The following ASH1L variants were observed in gnomAD, a reference collection of about 807,000 sequenced individuals.
ASH1L encodes histone-lysine N-methyltransferase ASH1L.
In ASH1L, 23 loss-of-function variants were observed where a neutral mutation model predicts 269.0. The ratio of observed to expected loss-of-function variants is 0.09; its 90% CI spans 0.06 to 0.12. The LOEUF is 0.12. ASH1L is among the 10% of genes least tolerant of loss of function. The pLI is 1.00. For synonymous variants in ASH1L, 1,187 were observed against 1,253.5 expected, an observed-to-expected ratio of 0.95 and a Z score of 1.12; for missense variants, 2,912 against 3,567.8, an observed-to-expected ratio of 0.82 and a Z score of 4.68.
At chr1:155,562,863 A>G (rs1226713115), upstream of ASH1L, 2 of 220,156 alleles carry the variant, frequency 9.1e-6, no homozygotes, top group Admixed American at 1.0e-4. Flanking sequence ...CCCCACGGCC[A>G]CCAACCGCCG....
intron 5 of ASH1L, among the ~76,000 whole-genome samples, chr1:155,418,167 CA>C (rs1282201740): frequency 6.6e-6 from 1 of 151,894 alleles, no homozygotes; most frequent in African/African-American, 2.4e-5. Context: ...AAATGTGACC[CA>C]GGGGAAAAAA....
chr1:155,465,952 G>C (rs1043622587), intron 3 of ASH1L, among the ~76,000 whole-genome samples: 1 of 152,122 alleles, frequency 6.6e-6, no homozygotes, highest in African/African-American at 2.4e-5. Flanking sequence ...AAAAACAGCT[G>C]TTTTCAATTG....
intron 6 of ASH1L, among the ~76,000 whole-genome samples, chr1:155,407,478 A>T (rs1659393005): frequency 1.3e-5 from 2 of 152,184 alleles, no homozygotes; most frequent in South Asian, 4.1e-4. Flanking sequence ...TGTGTGGATA[A>T]ATTTATTCAC....
At chr1:155,424,015 G>A (rs1183062480) in intron 5 of ASH1L, among the ~76,000 whole-genome samples, 4 of 152,086 alleles carry the variant, frequency 2.6e-5, no homozygotes, top group Middle Eastern at 3.4e-3. Context: ...GCGAGCCACC[G>A]TGCCCGGCCC....
intron 1 of ASH1L, among the ~76,000 whole-genome samples, chr1:155,532,354 T>C (rs1669725001): frequency 6.6e-6 from 1 of 152,194 alleles, no homozygotes; most frequent in South Asian, 2.1e-4. Flanking sequence ...ATATACATTG[T>C]ATAAAAACAA....
At chr1:155,518,682 G>A (rs1270597185) in intron 2 of ASH1L, among the ~76,000 whole-genome samples, 2 of 150,300 alleles carry the variant, frequency 1.3e-5, no homozygotes, top group South Asian at 2.1e-4. Context: ...GCTTGAGAAC[G>A]GGGGCGGTGG....
chr1:155,401,202 C>G (rs1363062774), intron 6 of ASH1L, among the ~76,000 whole-genome samples: 1 of 149,154 alleles, frequency 6.7e-6, no homozygotes, highest in African/African-American at 2.5e-5. Context: ...GGTGGCCGGG[C>G]ATGGTGGCTC....
chr1:155,536,905 C>T lies in ASH1L; in HGVS notation c.-99-15287G>A, dbSNP rs374045335. On this transcript the variant is annotated intron_variant, in intron 1 of 27. Transcript: ENST00000392403. ...AAAATACAAAAAAAAATTAGCCGGGCGTGGTGGCGAGTGCCTGTAGTCCCA... is the reference window on the plus strand; with the variant it reads ...AAAATACAAAAAAAAATTAGCCGGGTGTGGTGGCGAGTGCCTGTAGTCCCA... 2.6e-4 allele frequency among the ~76,000 whole-genome samples: 40 copies of T among 151,714 alleles called. No homozygotes were observed. The East Asian group carries it at 3.3e-3, about 12-fold the overall frequency.
rs1471317741 is a variant in ASH1L, at chr1:155,421,286, T to A, written c.5829-5363A>T. ...ATTGCAACTTTCCCCCAAACTGATC[T>A]ATAGATCTAACACAATCTCAAGTAC... On this transcript the variant is annotated intron_variant, in intron 5 of 27. Transcript: ENST00000392403. 2.1e-5 allele frequency among the ~76,000 whole-genome samples: 3 copies of A among 143,028 alleles called. No homozygotes were observed. In the Admixed American group the frequency reaches 2.1e-4, roughly 10 times the overall value. 93.8% of individuals were successfully genotyped at this position (143,028 alleles called of 152,430 possible).
chr1:155,471,882 G>C (rs952016003), intron 3 of ASH1L, among the ~76,000 whole-genome samples: 8 of 152,294 alleles, frequency 5.3e-5, no homozygotes, highest in African/African-American at 1.7e-4. Flanking sequence ...ACTAGCTTCA[G>C]GTAATTTGTA....
At chr1:155,346,050 T>C in intron 21 of ASH1L, 1 of 689,868 alleles carries the variant, frequency 1.4e-6, no homozygotes, top group South Asian at 1.6e-5. Flanking sequence ...CCCAGGCTGG[T>C]CTCGAACTCC....
chr1:155,347,585 T>A, intron 20 of ASH1L, 71 bp downstream of exon 20: 1 of 1,588,296 alleles, frequency 6.3e-7, no homozygotes, highest in African/African-American at 1.3e-5. Context: ...AAAAGAGGCA[T>A]GGGCTTCTTC....
intron 7 of ASH1L, among the ~76,000 whole-genome samples, chr1:155,390,632 TCCC>T (rs538641218): frequency 3.0e-5 from 3 of 98,388 alleles, no homozygotes; most frequent in African/African-American, 1.1e-4. Context: ...AATATCATTC[TCCC>T]CCCCCCCCCT....
intron 2 of ASH1L, among the ~76,000 whole-genome samples, chr1:155,499,453 T>C (rs1449261740): frequency 6.6e-6 from 1 of 152,218 alleles, no homozygotes. Flanking sequence ...TTTTGAACTA[T>C]GTACTCAGTG....
intron 1 of ASH1L, among the ~76,000 whole-genome samples, chr1:155,556,683 T>C (rs1364458910): frequency 5.3e-5 from 8 of 152,026 alleles, no homozygotes; most frequent in Non-Finnish European, 1.0e-4. Context: ...CCTCGTGATC[T>C]GCCCACCTCG....
chr1:155,372,915 A>G (rs1274825745), intron 10 of ASH1L, among the ~76,000 whole-genome samples: 2 of 152,196 alleles, frequency 1.3e-5, no homozygotes, highest in African/African-American at 2.4e-5. Context: ...TAGGGAATTA[A>G]CAAGTTAAAA....
intron 5 of ASH1L, 80 bp from the exon 6 acceptor site, chr1:155,416,003 ACCATAGCAATT>A: frequency 1.3e-5 from 16 of 1,193,246 alleles, no homozygotes; most frequent in Non-Finnish European, 1.8e-5. Flanking sequence ...AAAAAAAAAA[ACCATAGCAATT>A]AAAAAAAGAG....
chr1:155,412,932 T>C (rs1659922689), intron 6 of ASH1L, among the ~76,000 whole-genome samples: 1 of 152,098 alleles, frequency 6.6e-6, no homozygotes, highest in Non-Finnish European at 1.5e-5. Flanking sequence ...AATGGTTTTT[T>C]TTAAACCAGC....
intron 5 of ASH1L, chr1:155,433,254 C>G (rs541252448): frequency 6.4e-7 from 1 of 1,553,892 alleles, no homozygotes; most frequent in Admixed American, 1.9e-5. Flanking sequence ...CCAGGGGGGC[C>G]GGAGCCGGGC....
Sources: allele counts gnomAD v4.1 joint callset (sites outside exome capture counted in the v4.1 genomes callset), GRCh38; gene constraint gnomAD v4.1.1; transcripts MANE v1.5; gene names NCBI Gene and HGNC (gene_info 2026-07-23, HGNC 2026-07-21).